MXD1: variants seen among roughly 807,000 people sequenced by gnomAD.
The protein encoded by MXD1 is MAX-binding protein.
Under a neutral mutation model 25.7 loss-of-function variants are expected in MXD1, and 9 were observed. The ratio of observed to expected loss-of-function variants is 0.35; its 90% CI spans 0.21 to 0.61. MXD1 has a LOEUF of 0.61. MXD1 is among the 20% of genes least tolerant of loss of function. The pLI is 0.75. For missense variants in MXD1, 227 were observed against 292.4 expected, an observed-to-expected ratio of 0.78 and a Z score of 1.63; for synonymous variants, 99 against 113.9, an observed-to-expected ratio of 0.87 and a Z score of 0.83.
chr2:69,938,649 C>G lies in MXD1; in HGVS notation c.*365C>G. 5.5e-6 allele frequency: 1 copy of G among 181,578 alleles called. No homozygotes were observed. Among genetic ancestry groups the G allele is most frequent in the South Asian group, 1.0e-4 (1 of 9,598 alleles). 11.2% of individuals were successfully genotyped at this position (181,578 alleles called of 1,614,324 possible). A position where few individuals can be genotyped will look rare whatever the true frequency, so the allele number is the denominator to read the frequency against. Reference sequence around the variant, plus strand: ...GTTTTCTGGCTTACTGTGTTACTTGCCTAGGAGGAATGTCCAAGTGTGTCT... The same window carrying G: ...GTTTTCTGGCTTACTGTGTTACTTGGCTAGGAGGAATGTCCAAGTGTGTCT... On this transcript the variant is annotated 3_prime_UTR_variant, in exon 6 of 6. Coordinates refer to ENST00000264444, the MANE Select transcript of MXD1 (RefSeq NM_002357.4).
chr2:69,930,461 T>C (rs570711507), intron 3 of MXD1, among the ~76,000 whole-genome samples: 1 of 152,310 alleles, frequency 6.6e-6, no homozygotes, highest in South Asian at 2.1e-4. Context: ...CCCCTGACTC[T>C]CAATGATGTG....
chr2:69,930,163 T>A (rs189945178), intron 3 of MXD1, among the ~76,000 whole-genome samples: 5 of 152,360 alleles, frequency 3.3e-5, no homozygotes, highest in Non-Finnish European at 5.9e-5. Flanking sequence ...CTCAATTTTC[T>A]TGTGTCTTTC....
At chr2:69,919,564 C>A (rs934281631) in intron 2 of MXD1, among the ~76,000 whole-genome samples, 1 of 151,972 alleles carries the variant, frequency 6.6e-6, no homozygotes, top group Non-Finnish European at 1.5e-5. Context: ...AGGCTGGTCT[C>A]GAACTCCTGA....
Position 69,933,741 on chromosome 2 carries a change from A to G in MXD1, c.204-1610A>G, listed in dbSNP as rs73938907. Among the ~76,000 whole-genome samples, 1,440 of 152,318 alleles carry G rather than the reference A, an allele frequency of 9.5e-3. 20 individuals carry two copies. The highest frequency in any genetic ancestry group is 0.033 in the African/African-American group (1,375 of 41,552). ...TGAATTGACTTCTTACATTAATATC[A>G]TGCATATTCACCTGTCCTATAGCTT... On this transcript the variant is annotated intron_variant, in intron 3 of 5. Transcript: ENST00000264444.
At chr2:69,933,677 C>T (rs994294718) in intron 3 of MXD1, among the ~76,000 whole-genome samples, 1 of 152,214 alleles carries the variant, frequency 6.6e-6, no homozygotes, top group Non-Finnish European at 1.5e-5. Flanking sequence ...CTTACTAGCC[C>T]TGCCTTAGGG....
intron 1 of MXD1, 112 bp from the exon 2 acceptor site, chr2:69,916,009 A>G: frequency 1.4e-6 from 1 of 704,418 alleles, no homozygotes; most frequent in South Asian, 1.7e-5. Context: ...CCATTTAATT[A>G]TTTCCACAAT....
chr2:69,915,832 C>CA lies in MXD1; in HGVS notation c.74-288dup, dbSNP rs1676952128. ...GCCTGAGCTGGTTCCACTTAACCCG[C>CA]ACCAACCTGCTGGATGTAGCCAGTG... On this transcript the variant is annotated intron_variant, in intron 1 of 5. Coordinates refer to ENST00000264444, the MANE Select transcript of MXD1 (RefSeq NM_002357.4). The surrounding 1 kb of genome is among the most constrained non-coding windows in gnomAD (Gnocchi z 5.8). Among the ~76,000 whole-genome samples the CA allele has an allele frequency of 6.6e-6, 1 of 152,248 alleles. No homozygotes were observed. Among genetic ancestry groups the CA allele is most frequent in the African/African-American group, 2.4e-5 (1 of 41,460 alleles).
intron 3 of MXD1, among the ~76,000 whole-genome samples, chr2:69,929,588 A>G (rs1677239900): frequency 6.6e-6 from 1 of 152,226 alleles, no homozygotes; most frequent in Non-Finnish European, 1.5e-5. Flanking sequence ...TTCTTCATTA[A>G]TAACTTCCTT....
intron 3 of MXD1, among the ~76,000 whole-genome samples, chr2:69,926,126 A>T (rs933666770): frequency 6.6e-6 from 1 of 152,204 alleles, no homozygotes; most frequent in African/African-American, 2.4e-5. Flanking sequence ...CATAATATAA[A>T]GGACATATAT....
Position 69,938,356 on chromosome 2 carries a change from G to GCC in MXD1, c.*74_*75dup. 6.7e-7 allele frequency: 1 copy of GCC among 1,482,990 alleles called. No homozygotes were observed. The highest frequency in any genetic ancestry group is 9.2e-7 in the Non-Finnish European group (1 of 1,081,196). The allele number at this position is 1,482,990 out of a possible 1,614,324, so 91.9% of individuals were successfully genotyped here. ...TCTGATTAGGTAACGTATTGGACCT[G>GCC]CCCACAACTCCCTTGCACGTAAACT... On this transcript the variant is annotated 3_prime_UTR_variant, in exon 6 of 6. Transcript: ENST00000264444.
intron 2 of MXD1, 35 bp from the exon 3 acceptor site, chr2:69,921,701 A>G: frequency 1.3e-6 from 2 of 1,590,904 alleles, no homozygotes; most frequent in Non-Finnish European, 1.7e-6. Context: ...TAAGACAAAA[A>G]TATCTTATTC....
At chr2:69,937,463 G>A in intron 5 of MXD1, 69 bp downstream of exon 5, 1 of 1,421,486 alleles carries the variant, frequency 7.0e-7, no homozygotes, top group Non-Finnish European at 9.4e-7. Context: ...GTTCAGTACT[G>A]CGGACAGGAG....
chr2:69,925,124 AG>A (rs2104176476), intron 3 of MXD1, among the ~76,000 whole-genome samples: 1 of 152,240 alleles, frequency 6.6e-6, no homozygotes, highest in African/African-American at 2.4e-5. Flanking sequence ...ACTGCTGTGG[AG>A]GAGCTCAGAT....
chr2:69,916,953 G>A (rs1156391764), intron 2 of MXD1, among the ~76,000 whole-genome samples: 1 of 152,138 alleles, frequency 6.6e-6, no homozygotes, highest in Non-Finnish European at 1.5e-5. Flanking sequence ...CATGCAAATA[G>A]TCCATCAATG....
In MXD1 at chr2:69,916,126, G is replaced by T; in HGVS notation, c.79G>T (p.Glu27Ter). 1 of 1,604,608 alleles carries T rather than the reference G, an allele frequency of 6.2e-7. No homozygotes were observed. Among genetic ancestry groups the T allele is most frequent in the South Asian group, 1.1e-5 (1 of 90,826 alleles). The change falls in exon 2 of 6, where the codon GAA becomes TAA. Residue 27 changes from glutamate to a stop codon, truncating the protein, a stop_gained. Coordinates refer to ENST00000264444, the MANE Select transcript of MXD1 (RefSeq NM_002357.4). LOFTEE classifies it high-confidence loss of function. ...TGGATCCTCCTGTTTTCTAGAAGCT[G>T]AACATGGTTATGCCTCCATGTTACC... is the stretch of plus-strand genomic sequence containing the variant. ...DYLERREREA[E>*]HGYASMLPYN... is the part of the protein sequence containing the mutation.
At chr2:69,935,255 C>G in intron 3 of MXD1, 96 bp from the exon 4 acceptor site, 1 of 839,818 alleles carries the variant, frequency 1.2e-6, no homozygotes, top group Non-Finnish European at 2.0e-6. Context: ...ATCGCAAGGC[C>G]TGGGCAACTT....
In MXD1 at chr2:69,937,040, C is replaced by T. The variant is rs74536702; in HGVS notation, c.319-195C>T. 163 of 740,258 alleles carry T rather than the reference C, an allele frequency of 2.2e-4. 3 individuals carry two copies. The East Asian group carries it at 4.1e-3, about 18-fold the overall frequency. The allele number at this position is 740,258 out of a possible 1,614,324, so 45.9% of individuals were successfully genotyped here. A position where few individuals can be genotyped will look rare whatever the true frequency, so the allele number is the denominator to read the frequency against. ...ACAGGACAAGTACCCCCAGCACTGG[C>T]GATGCTGAAGAGTCAGACGAAGCCA... On this transcript the variant is annotated intron_variant, in intron 4 of 5. Transcript: ENST00000264444.
intron 3 of MXD1, among the ~76,000 whole-genome samples, chr2:69,929,408 C>A (rs6712827): frequency 6.6e-6 from 1 of 152,016 alleles, no homozygotes; most frequent in African/African-American, 2.4e-5. Context: ...AATCTATTCC[C>A]CAATTTGCAG....
At chr2:69,937,097 G>C in intron 4 of MXD1, 138 bp from the exon 5 acceptor site, 1 of 1,134,820 alleles carries the variant, frequency 8.8e-7, no homozygotes, top group Admixed American at 1.7e-5. Context: ...TCCTGTCTCA[G>C]GGAGAAGCTT....
Sources: gnomAD v4.1 joint callset for allele counts (sites outside exome capture counted in the v4.1 genomes callset) on GRCh38, gnomAD v4.1.1 for gene constraint, Gnocchi (gnomAD v3.1) non-coding constraint, MANE v1.5 for transcripts, NCBI Gene and HGNC (gene_info 2026-07-23, HGNC 2026-07-21) for gene names.